Variants in SGMS2 observed in about 807,000 individuals in gnomAD.
SGMS2 encodes sphingomyelin synthase 2.
Under a neutral mutation model 43.8 loss-of-function variants are expected in SGMS2, and 21 were observed. That is an observed-to-expected ratio of 0.48 (90% confidence interval 0.34 to 0.69). SGMS2 has a LOEUF of 0.69. Among genes scored for constraint, SGMS2 ranks in the 30% least tolerant of loss-of-function variants. The probability of loss-of-function intolerance (pLI) is 0.01; values close to 1 mark genes in which losing one functional copy is unlikely to be tolerated. For synonymous variants in SGMS2, 167 were observed against 160.6 expected (o/e 1.04, Z -0.30); for missense variants, 384 against 443.2 (o/e 0.87, Z 1.20).
At chr4:107,836,757 G>T (rs1469704374) in intron 1 of SGMS2, among the ~76,000 whole-genome samples, 1 of 152,148 alleles carries the variant, frequency 6.6e-6, no homozygotes, top group East Asian at 1.9e-4. Context: ...GTAAAATCTA[G>T]ATCAGAGAAA....
chr4:107,857,846 A>G (rs1727509058), intron 1 of SGMS2, among the ~76,000 whole-genome samples: 1 of 152,180 alleles, frequency 6.6e-6, no homozygotes, highest in African/African-American at 2.4e-5. Flanking sequence ...CTACTGTCCT[A>G]TAAAGCCCTC....
chr4:107,826,708 G>A (rs1309292455), intron 1 of SGMS2, among the ~76,000 whole-genome samples: 1 of 151,682 alleles, frequency 6.6e-6, no homozygotes, highest in East Asian at 1.9e-4. Context: ...TCATTTTTAA[G>A]TAAAGCTAGT....
chr4:107,866,778 A>G (rs1039706027), intron 2 of SGMS2: 2 of 152,144 alleles, frequency 1.3e-5, no homozygotes, highest in Non-Finnish European at 2.9e-5. Flanking sequence ...TGGTGAGGTC[A>G]CTAACATATC....
chr4:107,903,938 C>T (rs530091765), intron 5 of SGMS2, among the ~76,000 whole-genome samples: 31 of 152,152 alleles, frequency 2.0e-4, no homozygotes, highest in African/African-American at 7.2e-4. Context: ...TTGCCAATAC[C>T]GATTATTTTC....
chr4:107,870,490 A>G (rs1355504060), intron 2 of SGMS2, among the ~76,000 whole-genome samples: 1 of 152,148 alleles, frequency 6.6e-6, no homozygotes, highest in Non-Finnish European at 1.5e-5. Flanking sequence ...AGTTGTAAGC[A>G]TCTGCTTTTT....
intron 5 of SGMS2, chr4:107,908,233 G>A (rs1328840753): frequency 1.0e-5 from 2 of 191,870 alleles, no homozygotes; most frequent in Non-Finnish European, 2.1e-5. Context: ...CTTTATGTGA[G>A]CCAGTATGCA....
intron 1 of SGMS2, among the ~76,000 whole-genome samples, chr4:107,855,371 A>G (rs1363093249): frequency 6.6e-6 from 1 of 152,160 alleles, no homozygotes; most frequent in Non-Finnish European, 1.5e-5. Context: ...TGTATCTGAT[A>G]GGTTCTGGTA....
intron 2 of SGMS2, among the ~76,000 whole-genome samples, chr4:107,892,724 T>C (rs1007142191): frequency 1.3e-5 from 2 of 152,052 alleles, no homozygotes; most frequent in African/African-American, 2.4e-5. Flanking sequence ...AAGAGATAAA[T>C]GGTTGCATTC....
At chr4:107,881,240 A>T (rs188275624) in intron 2 of SGMS2, among the ~76,000 whole-genome samples, 1 of 152,084 alleles carries the variant, frequency 6.6e-6, no homozygotes, top group Non-Finnish European at 1.5e-5. Context: ...AATCTAAAAT[A>T]AAAGTTGAAA....
intron 2 of SGMS2, among the ~76,000 whole-genome samples, chr4:107,859,874 C>T (rs991231627): frequency 6.6e-6 from 1 of 151,730 alleles, no homozygotes; most frequent in African/African-American, 2.4e-5. Flanking sequence ...TTAATCACTG[C>T]AGAATTTTAG....
intron 2 of SGMS2, among the ~76,000 whole-genome samples, chr4:107,884,536 C>G (rs1729596243): frequency 6.6e-6 from 1 of 152,082 alleles, no homozygotes; most frequent in African/African-American, 2.4e-5. Context: ...ATCTCTGGGC[C>G]CCAAAATCAC....
At chr4:107,878,813 G>A (rs371706638) in intron 2 of SGMS2, among the ~76,000 whole-genome samples, 13 of 152,250 alleles carry the variant, frequency 8.5e-5, no homozygotes, top group African/African-American at 3.1e-4. Context: ...GTCACCAACA[G>A]AAAGCCTCAC....
intron 1 of SGMS2, among the ~76,000 whole-genome samples, chr4:107,832,640 GA>G (rs912140024): frequency 2.0e-5 from 3 of 152,108 alleles, no homozygotes; most frequent in African/African-American, 7.2e-5. Flanking sequence ...TTTTGCCAAA[GA>G]AAAAAATTGC....
At chr4:107,851,696 C>T (rs1727155860) in intron 1 of SGMS2, among the ~76,000 whole-genome samples, 1 of 152,136 alleles carries the variant, frequency 6.6e-6, no homozygotes, top group South Asian at 2.1e-4. Context: ...TATAATAACC[C>T]CCTCCCAAAT....
At chr4:107,864,199 A>T (rs1331797182) in intron 2 of SGMS2, 1 of 152,238 alleles carries the variant, frequency 6.6e-6, no homozygotes, top group Admixed American at 6.5e-5. Context: ...TATCTTTGCA[A>T]GGGAAATCAG....
intron 1 of SGMS2, among the ~76,000 whole-genome samples, chr4:107,858,008 C>T (rs1727516319): frequency 6.7e-6 from 1 of 149,378 alleles, no homozygotes; most frequent in Non-Finnish European, 1.5e-5. Context: ...TGTAGCTGCC[C>T]CACCCCCCCC....
rs1036556305 is a variant in SGMS2, at chr4:107,858,013, C to A, written c.-326-459C>A. Among the ~76,000 whole-genome samples, 13 of 152,180 alleles carry A rather than the reference C, an allele frequency of 8.5e-5. No homozygotes were observed. In the East Asian group the frequency reaches 1.4e-3, roughly 16 times the overall value. On this transcript the variant is annotated intron_variant, in intron 1 of 6. Transcript: ENST00000690982. ...ACTCTTCTTTTGTAGCTGCCCCACC[C>A]CCCCCATCCCCAACCCTTATTAAGT...
Position 107,911,212 on chromosome 4 carries a change from G to T in SGMS2, c.*659G>T, listed in dbSNP as rs895098765. The T allele has an allele frequency of 6.6e-6, 1 of 152,190 alleles. No homozygotes were observed. Among genetic ancestry groups the T allele is most frequent in the African/African-American group, 2.4e-5 (1 of 41,434 alleles). The allele number at this position is 152,190 out of a possible 1,614,324, so 9.4% of individuals were successfully genotyped here. ...AAGGAAAGCTGATCCAAGTAAACACGAAAGTATTTGACACACCCCACAGAT... is the reference window on the plus strand; with the variant it reads ...AAGGAAAGCTGATCCAAGTAAACACTAAAGTATTTGACACACCCCACAGAT... On this transcript the variant is annotated 3_prime_UTR_variant, in exon 7 of 7. Transcript: ENST00000690982.
At chr4:107,872,771 A>G (rs1728642898) in intron 2 of SGMS2, among the ~76,000 whole-genome samples, 1 of 152,208 alleles carries the variant, frequency 6.6e-6, no homozygotes, top group African/African-American at 2.4e-5. Flanking sequence ...TAAAAAGTGA[A>G]GTAAATGTTC....
Sources: gnomAD v4.1 joint callset for allele counts (sites outside exome capture counted in the v4.1 genomes callset) on GRCh38, gnomAD v4.1.1 for gene constraint, MANE v1.5 for transcripts, NCBI Gene and HGNC (gene_info 2026-07-23, HGNC 2026-07-21) for gene names.